Variants in CSMD3 observed in about 807,000 individuals in gnomAD.
CSMD3 encodes CUB and Sushi multiple domains 3.
CSMD3 carries 177 observed loss-of-function variants against 435.2 expected under a neutral mutation model. That is an observed-to-expected ratio of 0.41 (90% CI 0.36 to 0.46). The LOEUF (loss-of-function observed/expected upper bound fraction) is 0.46, where lower values mean the gene tolerates loss of function less well. CSMD3 is among the 20% of genes least tolerant of loss of function. The pLI is 0.34. For synonymous variants in CSMD3, 1,656 were observed against 1,520.5 expected, an observed-to-expected ratio of 1.09 and a Z score of -2.07; for missense variants, 4,265 against 4,504.6, an observed-to-expected ratio of 0.95 and a Z score of 1.52.
intron 42 of CSMD3, among the ~76,000 whole-genome samples, chr8:112,338,935 A>C (rs1824832377): frequency 6.6e-6 from 1 of 152,088 alleles, no homozygotes; most frequent in Non-Finnish European, 1.5e-5. Flanking sequence ...ATAGATTTTA[A>C]GTGTGTAGGA....
chr8:113,127,474 T>C (rs373151607), intron 4 of CSMD3, among the ~76,000 whole-genome samples: 1 of 152,038 alleles, frequency 6.6e-6, no homozygotes, highest in Non-Finnish European at 1.5e-5. Flanking sequence ...AACTACCCTG[T>C]TGCTCCAAGA....
At chr8:113,288,793 C>CA (rs934783570) in intron 2 of CSMD3, among the ~76,000 whole-genome samples, 2 of 151,634 alleles carry the variant, frequency 1.3e-5, no homozygotes, top group African/African-American at 4.8e-5. Context: ...TGCTTATTAG[C>CA]AGTGTAATAT....
At chr8:113,046,388 T>TAA (rs561261451) in intron 5 of CSMD3, among the ~76,000 whole-genome samples, 1 of 149,072 alleles carries the variant, frequency 6.7e-6, no homozygotes, top group African/African-American at 2.4e-5. Context: ...CAAAACAAAA[T>TAA]AAAAAAACGC....
chr8:113,073,280 A>AGGT (rs2089203524), intron 5 of CSMD3, among the ~76,000 whole-genome samples: 1 of 151,832 alleles, frequency 6.6e-6, no homozygotes, highest in African/African-American at 2.4e-5. Flanking sequence ...AAGTCAATAC[A>AGGT]GTGACTTTTT....
At chr8:112,740,393 T>C (rs924758745) in intron 13 of CSMD3, among the ~76,000 whole-genome samples, 2 of 151,688 alleles carry the variant, frequency 1.3e-5, no homozygotes, top group African/African-American at 4.8e-5. Flanking sequence ...AAATAATACA[T>C]GTCAGAAATT....
At chr8:112,537,813 A>G (rs1002222992) in intron 27 of CSMD3, among the ~76,000 whole-genome samples, 2 of 152,152 alleles carry the variant, frequency 1.3e-5, no homozygotes, top group Admixed American at 1.3e-4. Context: ...GAGAAGACCT[A>G]ATACCAATTC....
chr8:112,888,602 C>A (rs766041324), intron 10 of CSMD3, among the ~76,000 whole-genome samples: 1 of 151,602 alleles, frequency 6.6e-6, no homozygotes, highest in Non-Finnish European at 1.5e-5. Context: ...ACAGAAACCT[C>A]CAATGAAACT....
chr8:112,677,579 T>C (rs1481477275), intron 16 of CSMD3, among the ~76,000 whole-genome samples: 1 of 149,694 alleles, frequency 6.7e-6, no homozygotes, highest in Non-Finnish European at 1.5e-5. Context: ...ATGGTAAAAA[T>C]AGGATAAGAC....
intron 1 of CSMD3, among the ~76,000 whole-genome samples, chr8:113,388,518 G>A (rs2094448733): frequency 6.6e-6 from 1 of 151,448 alleles, no homozygotes; most frequent in Non-Finnish European, 1.5e-5. Context: ...GATTGAATTT[G>A]ACCAACATCT....
intron 3 of CSMD3, among the ~76,000 whole-genome samples, chr8:113,242,427 A>C (rs897800780): frequency 1.3e-5 from 2 of 151,998 alleles, no homozygotes; most frequent in Admixed American, 6.6e-5. Context: ...GATAACACAC[A>C]ACTACTCACA....
At chr8:113,289,308 C>T (rs1039083875) in intron 2 of CSMD3, among the ~76,000 whole-genome samples, 2 of 151,728 alleles carry the variant, frequency 1.3e-5, no homozygotes, top group African/African-American at 4.8e-5. Flanking sequence ...TTATTGATAG[C>T]TATAACAAAC....
At chr8:112,570,967 A>T (rs1393098302) in intron 24 of CSMD3, among the ~76,000 whole-genome samples, 2 of 152,046 alleles carry the variant, frequency 1.3e-5, no homozygotes, top group Non-Finnish European at 2.9e-5. Flanking sequence ...GTCTCCATAA[A>T]CATACATTTC....
intron 3 of CSMD3, among the ~76,000 whole-genome samples, chr8:113,191,705 G>C (rs1336893622): frequency 6.6e-6 from 1 of 151,788 alleles, no homozygotes; most frequent in Non-Finnish European, 1.5e-5. Flanking sequence ...ATTGTGAATA[G>C]TGCTGCAATG....
chr8:113,041,530 C>A (rs527830040), intron 5 of CSMD3, among the ~76,000 whole-genome samples: 3 of 152,080 alleles, frequency 2.0e-5, no homozygotes, highest in East Asian at 1.9e-4. Context: ...CTTGGAGGAG[C>A]CTTGGGAGGT....
At position 112,870,272 on chromosome 8, in the gene CSMD3, A is replaced by ATT. The variant is rs367725898; in HGVS notation, c.1634-11008_1634-11007dup. Among the ~76,000 whole-genome samples, 367 of 141,272 alleles carry ATT rather than the reference A, an allele frequency of 2.6e-3. 1 individual carries two copies. Among genetic ancestry groups the ATT allele is most frequent in the African/African-American group, 8.3e-3 (322 of 38,568 alleles). 92.7% of individuals were successfully genotyped at this position (141,272 alleles called of 152,430 possible). A position where few individuals can be genotyped will look rare whatever the true frequency, so the allele number is the denominator to read the frequency against. On this transcript the variant is annotated intron_variant, in intron 10 of 70. Coordinates refer to ENST00000297405, the MANE Select transcript of CSMD3 (RefSeq NM_198123.2). ...CCATCTCACGTCAGTCAGAATGGCT[A>ATT]TTTTTTTTTTTTTTGAGACGGGGTC...
chr8:112,653,257 T>C (rs941927861), intron 18 of CSMD3, among the ~76,000 whole-genome samples: 1 of 152,220 alleles, frequency 6.6e-6, no homozygotes, highest in African/African-American at 2.4e-5. Flanking sequence ...AAATTCAAAA[T>C]GGACATTTTT....
intron 22 of CSMD3, among the ~76,000 whole-genome samples, chr8:112,601,443 A>C (rs925732746): frequency 2.6e-5 from 4 of 152,206 alleles, no homozygotes; most frequent in Admixed American, 6.5e-5. Context: ...CTCAGAGGCG[A>C]ATAAGATACA....
At chr8:113,253,445 C>T (rs533173635) in intron 3 of CSMD3, among the ~76,000 whole-genome samples, 4 of 151,938 alleles carry the variant, frequency 2.6e-5, no homozygotes, top group Admixed American at 2.0e-4. Context: ...GTTCTCATTA[C>T]AAATTGACTT....
chr8:113,224,540 G>A (rs1217946021), intron 3 of CSMD3, among the ~76,000 whole-genome samples: 1 of 151,018 alleles, frequency 6.6e-6, no homozygotes, highest in African/African-American at 2.4e-5. Context: ...ACATCTGTTT[G>A]TAGCAATATA....
Sources: allele counts gnomAD v4.1 joint callset (sites outside exome capture counted in the v4.1 genomes callset), GRCh38; gene constraint gnomAD v4.1.1; transcripts MANE v1.5; gene names NCBI Gene and HGNC (gene_info 2026-07-23, HGNC 2026-07-21).